The following TRAPPC10 variants were observed in gnomAD, a reference collection of about 807,000 sequenced individuals.
The protein encoded by TRAPPC10 is TRAPP 130 kDa subunit.
In TRAPPC10, 23 loss-of-function variants were observed where a neutral mutation model predicts 125.5. The observed-to-expected ratio is 0.18, with a 90% CI of 0.13 to 0.26. The LOEUF (loss-of-function observed/expected upper bound fraction) is 0.26. Ranked by LOEUF, TRAPPC10 falls within the 10% of genes least tolerant of loss-of-function variation. The pLI, the probability that TRAPPC10 is intolerant of heterozygous loss-of-function variation, is 1.00. For synonymous variants in TRAPPC10, 509 were observed against 518.0 expected (o/e 0.98, Z 0.24); for missense variants, 1,123 against 1,308.4 (o/e 0.86, Z 2.19).
At chr21:44,033,375 G>A (rs1180021377) in intron 2 of TRAPPC10, among the ~76,000 whole-genome samples, 1 of 152,122 alleles carries the variant, frequency 6.6e-6, no homozygotes, top group African/African-American at 2.4e-5. Context: ...TATGCATTTA[G>A]TTGCTAATAT....
chr21:44,019,134 G>C (rs2032207424), intron 1 of TRAPPC10, among the ~76,000 whole-genome samples: 1 of 152,038 alleles, frequency 6.6e-6, no homozygotes, highest in African/African-American at 2.4e-5. Context: ...TCGGCTCACT[G>C]CAGCCTTGAC....
At chr21:44,075,309 G>A (rs1260818553) in intron 9 of TRAPPC10, among the ~76,000 whole-genome samples, 156 bp downstream of exon 9, 1 of 152,212 alleles carries the variant, frequency 6.6e-6, no homozygotes, top group Non-Finnish European at 1.5e-5. Flanking sequence ...TAAAGCACAT[G>A]ATAGTTTACC....
intron 2 of TRAPPC10, among the ~76,000 whole-genome samples, chr21:44,036,088 T>C (rs1184216076): frequency 6.6e-6 from 1 of 152,052 alleles, no homozygotes; most frequent in African/African-American, 2.4e-5. Flanking sequence ...ACAGGTGACA[T>C]TTGAAGAATG....
At chr21:44,014,189 A>G (rs201965134) in intron 1 of TRAPPC10, among the ~76,000 whole-genome samples, 6 of 152,304 alleles carry the variant, frequency 3.9e-5, no homozygotes, top group East Asian at 3.9e-4. Flanking sequence ...GAAAGTTCCT[A>G]AGCTCTATTG....
At chr21:44,016,763 A>G (rs529448263) in intron 1 of TRAPPC10, among the ~76,000 whole-genome samples, 1 of 152,250 alleles carries the variant, frequency 6.6e-6, no homozygotes, top group South Asian at 2.1e-4. Context: ...GGTTCACGCC[A>G]TTCTCCTGCC....
chr21:44,088,244 C>T (rs575435359), intron 17 of TRAPPC10: 6 of 371,814 alleles, frequency 1.6e-5, no homozygotes, highest in Non-Finnish European at 2.5e-5. Flanking sequence ...AGACCGGTGA[C>T]GAGGCCAGAG....
chr21:44,046,311 T>G, intron 3 of TRAPPC10: 1 of 254,862 alleles, frequency 3.9e-6, no homozygotes, highest in Non-Finnish European at 8.6e-6. Flanking sequence ...TGGTAGAGTA[T>G]TTAGAGTCCT....
At chr21:44,069,963 G>T (rs1295743951) in intron 7 of TRAPPC10, among the ~76,000 whole-genome samples, 1 of 151,708 alleles carries the variant, frequency 6.6e-6, no homozygotes, top group African/African-American at 2.4e-5. Context: ...GCGTGATCTT[G>T]GCTCACTGCA....
chr21:44,094,815 T>C (rs1241282467), intron 20 of TRAPPC10, among the ~76,000 whole-genome samples: 1 of 152,176 alleles, frequency 6.6e-6, no homozygotes, highest in Non-Finnish European at 1.5e-5. Context: ...ATACTTTCTT[T>C]TCTTCTCTTT....
intron 19 of TRAPPC10, 69 bp from the exon 20 acceptor site, chr21:44,093,994 G>T: frequency 6.6e-7 from 1 of 1,504,400 alleles, no homozygotes; most frequent in Non-Finnish European, 9.0e-7. Flanking sequence ...CGTGTGTTTC[G>T]CTGCAGTGTC....
chr21:44,085,097 T>G (rs1322987257), intron 15 of TRAPPC10, among the ~76,000 whole-genome samples: 1 of 152,132 alleles, frequency 6.6e-6, no homozygotes, highest in African/African-American at 2.4e-5. Flanking sequence ...CTTCAGCCCC[T>G]CTTTCCTCCC....
intron 6 of TRAPPC10, among the ~76,000 whole-genome samples, chr21:44,061,489 G>T (rs931029843): frequency 1.1e-4 from 16 of 151,602 alleles, no homozygotes; most frequent in Non-Finnish European, 2.1e-4. Context: ...GGCTGGTCTC[G>T]ATCTCTTAAC....
intron 1 of TRAPPC10, among the ~76,000 whole-genome samples, chr21:44,021,583 CTT>C (rs1355702589): frequency 1.3e-5 from 2 of 152,136 alleles, no homozygotes; most frequent in Non-Finnish European, 2.9e-5. Context: ...TCTCCCCAGT[CTT>C]ATATTATTTT....
chr21:44,024,469 C>T (rs889488565), intron 1 of TRAPPC10, among the ~76,000 whole-genome samples: 3 of 152,204 alleles, frequency 2.0e-5, no homozygotes, highest in South Asian at 4.1e-4. Context: ...TGCTTTATCC[C>T]TCATTACATA....
Position 44,083,047 on chromosome 21 carries a change from C to T in TRAPPC10, c.1983C>T (p.Thr661=), listed in dbSNP as rs145102274. ...GGATCATTAACTTTCCACCCGAGACCGCACCTTTCCCTGTATCCCAAAACA... is the reference window on the plus strand; with the variant it reads ...GGATCATTAACTTTCCACCCGAGACTGCACCTTTCCCTGTATCCCAAAACA... ...SNGIINFPPE[T]APFPVSQNSL... is the part of the protein sequence containing the mutation. The change falls in exon 14 of 23, where the codon ACC becomes ACT. Residue 661 remains threonine (T), a synonymous_variant. Transcript: ENST00000291574. 4.1e-5 allele frequency: 66 copies of T among 1,614,068 alleles called. 1 individual carries two copies. The East Asian group carries it at 4.5e-4, about 11-fold the overall frequency.
At chr21:44,055,940 C>T in intron 5 of TRAPPC10, 47 bp downstream of exon 5, 4 of 1,438,946 alleles carry the variant, frequency 2.8e-6, no homozygotes, top group Non-Finnish European at 3.8e-6. Flanking sequence ...CTCCTTCCCT[C>T]CTTTGTTCCC....
At chr21:44,067,171 C>T (rs568431706) in intron 7 of TRAPPC10, among the ~76,000 whole-genome samples, 8 of 152,292 alleles carry the variant, frequency 5.3e-5, no homozygotes, top group East Asian at 1.9e-4. Context: ...ACGGAGGAAC[C>T]GTGCATGGGA....
At chr21:44,045,431 A>AT (rs896891127) in intron 3 of TRAPPC10, among the ~76,000 whole-genome samples, 1 of 151,590 alleles carries the variant, frequency 6.6e-6, no homozygotes, top group African/African-American at 2.4e-5. Context: ...TAGGTTGACA[A>AT]TTTTTTTTTA....
In TRAPPC10 at chr21:44,089,939, G is replaced by A. The variant is rs778500496; in HGVS notation, c.2870+6G>A. The stretch of plus-strand genomic sequence containing the variant: ...CTCCTGTCCTCAGGAACACGGTAAC[G>A]GAGGCGTAGCGTGCGGGCCCTGGCT... On this transcript the variant is annotated splice_donor_region_variant and intron_variant, in intron 18 of 22. Coordinates refer to ENST00000291574, the MANE Select transcript of TRAPPC10 (RefSeq NM_003274.5). 13 of 1,609,634 alleles carry A rather than the reference G, an allele frequency of 8.1e-6. No homozygotes were observed. In the Admixed American group the frequency reaches 1.3e-4, roughly 17 times the overall value.
Sources: allele counts gnomAD v4.1 joint callset (sites outside exome capture counted in the v4.1 genomes callset), GRCh38; gene constraint gnomAD v4.1.1; transcripts MANE v1.5; gene names NCBI Gene and HGNC (gene_info 2026-07-23, HGNC 2026-07-21).